Variants in PTK2 observed in about 807,000 individuals in gnomAD.
The protein encoded by PTK2 is protein tyrosine kinase 2, also known as focal adhesion kinase 1.
Under a neutral mutation model 150.1 loss-of-function variants are expected in PTK2, and 45 were observed. The observed-to-expected ratio is 0.30, with a 90% CI of 0.24 to 0.38. The LOEUF is 0.38. Among genes scored for constraint, PTK2 ranks in the 10% least tolerant of loss-of-function variants. The pLI is 1.00. For synonymous variants in PTK2, 432 were observed against 449.2 expected, an observed-to-expected ratio of 0.96 and a Z score of 0.48; for missense variants, 919 against 1,307.3, an observed-to-expected ratio of 0.70 and a Z score of 4.58.
intron 2 of PTK2, among the ~76,000 whole-genome samples, chr8:140,896,664 A>G (rs1354498294): frequency 6.6e-6 from 1 of 152,094 alleles, no homozygotes; most frequent in Non-Finnish European, 1.5e-5. Flanking sequence ...TACTAGTGGG[A>G]AAAAAACTTC....
At chr8:140,690,401 A>G (rs1167067348) in intron 26 of PTK2, among the ~76,000 whole-genome samples, 1 of 152,156 alleles carries the variant, frequency 6.6e-6, no homozygotes, top group East Asian at 1.9e-4. Flanking sequence ...AGCTGGGACT[A>G]TACATGCACG....
At chr8:140,725,723 A>T (rs2100045343) in intron 22 of PTK2, among the ~76,000 whole-genome samples, 1 of 152,216 alleles carries the variant, frequency 6.6e-6, no homozygotes, top group African/African-American at 2.4e-5. Flanking sequence ...GACTCCAAGC[A>T]GCCCAGCTAA....
intron 1 of PTK2, among the ~76,000 whole-genome samples, chr8:140,989,255 GC>G (rs1254336310): frequency 7.0e-6 from 1 of 142,600 alleles, no homozygotes; most frequent in Admixed American, 7.2e-5. Flanking sequence ...AAATTAGCCA[GC>G]AGGGTGATAC....
At chr8:140,662,557 G>A (rs1265661403) in intron 31 of PTK2, 2 of 402,066 alleles carry the variant, frequency 5.0e-6, no homozygotes, top group East Asian at 3.5e-5. Context: ...AACCCCATTT[G>A]GTTGGGATGT....
At chr8:140,738,111 C>G (rs1715565732) in intron 21 of PTK2, among the ~76,000 whole-genome samples, 1 of 152,124 alleles carries the variant, frequency 6.6e-6, no homozygotes, top group African/African-American at 2.4e-5. Flanking sequence ...AAAGTAGTTT[C>G]TAATGTAGCA....
intron 2 of PTK2, among the ~76,000 whole-genome samples, chr8:140,896,798 GGGT>G (rs557159099): frequency 0.13 from 13,494 of 101,480 alleles, 1,150 homozygotes; most frequent in Non-Finnish European, 0.21. Context: ...CGGGGGGGGG[GGGT>G]GGGTAAAACA....
At chr8:140,895,711 A>T (rs998837533) in intron 2 of PTK2, among the ~76,000 whole-genome samples, 1 of 152,080 alleles carries the variant, frequency 6.6e-6, no homozygotes. Context: ...AAGAACTAAG[A>T]GTATAATTAG....
chr8:140,681,527 T>C (rs1763900713), intron 27 of PTK2, among the ~76,000 whole-genome samples: 1 of 151,324 alleles, frequency 6.6e-6, no homozygotes, highest in African/African-American at 2.4e-5. Flanking sequence ...ATCCCAGCAC[T>C]TTGGGAGGCG....
At chr8:140,986,990 A>AC (rs1222917916) in intron 1 of PTK2, among the ~76,000 whole-genome samples, 6 of 152,140 alleles carry the variant, frequency 3.9e-5, no homozygotes, top group Non-Finnish European at 8.8e-5. Context: ...CAAAAACACA[A>AC]CCCGTAAAGC....
Position 140,907,565 on chromosome 8 carries a change from A to G in PTK2, c.-32-16796T>C, listed in dbSNP as rs2100161466. Among the ~76,000 whole-genome samples the G allele has an allele frequency of 2.0e-5, 3 of 152,266 alleles. No individual in the cohort carries two copies. In the South Asian group the frequency reaches 6.2e-4, roughly 32 times the overall value. On this transcript the variant is annotated intron_variant, in intron 2 of 31. Coordinates refer to ENST00000522684, the Ensembl canonical transcript of PTK2. ...CCAACTGCCTTTTTTTTAAAACAAAAACAACAACAACAAAAAACAAAGGGT... is the reference window on the plus strand; with the variant it reads ...CCAACTGCCTTTTTTTTAAAACAAAGACAACAACAACAAAAAACAAAGGGT...
At chr8:140,905,992 A>C (rs1163490603) in intron 2 of PTK2, among the ~76,000 whole-genome samples, 1 of 152,136 alleles carries the variant, frequency 6.6e-6, no homozygotes, top group Non-Finnish European at 1.5e-5. Context: ...ACAACATGCC[A>C]GATCCTGTCT....
At chr8:140,773,431 A>G (rs916043733) in intron 14 of PTK2, among the ~76,000 whole-genome samples, 3 of 152,244 alleles carry the variant, frequency 2.0e-5, no homozygotes, top group Non-Finnish European at 4.4e-5. Flanking sequence ...GGGAAAAACC[A>G]GCAGAAGGAA....
chr8:140,731,299 T>C (rs895605270), intron 22 of PTK2, among the ~76,000 whole-genome samples: 1 of 152,258 alleles, frequency 6.6e-6, no homozygotes, highest in Admixed American at 6.5e-5. Flanking sequence ...TGCGCTCTTA[T>C]AACCTGACAG....
chr8:140,895,484 T>G (rs1049893977), intron 2 of PTK2, among the ~76,000 whole-genome samples: 1 of 151,194 alleles, frequency 6.6e-6, no homozygotes, highest in African/African-American at 2.4e-5. Context: ...ACTGCACCAC[T>G]GCACTCCAGC....
At chr8:140,707,136 G>A (rs924899856) in intron 23 of PTK2, among the ~76,000 whole-genome samples, 3 of 152,204 alleles carry the variant, frequency 2.0e-5, no homozygotes, top group African/African-American at 7.2e-5. Flanking sequence ...ATCTAGAATA[G>A]GAAAGATTAA....
chr8:140,918,149 T>C (rs1271248678), intron 2 of PTK2, among the ~76,000 whole-genome samples: 1 of 152,116 alleles, frequency 6.6e-6, no homozygotes, highest in Admixed American at 6.5e-5. Flanking sequence ...GCAGAGATGA[T>C]GGTTCTAGGA....
At chr8:140,902,924 G>GTTTTTTTTTTTT (rs61261890) in intron 2 of PTK2, among the ~76,000 whole-genome samples, 9 of 58,958 alleles carry the variant, frequency 1.5e-4, no homozygotes, top group East Asian at 3.9e-4. Context: ...GATGAGAGTT[G>GTTTTTTTTTTTT]TTTTTTTTTT....
intron 22 of PTK2, among the ~76,000 whole-genome samples, chr8:140,732,955 G>A (rs2100050424): frequency 6.6e-6 from 1 of 152,196 alleles, no homozygotes; most frequent in South Asian, 2.1e-4. Context: ...TGAAAGGGAT[G>A]AGAAGACAAT....
intron 8 of PTK2, among the ~76,000 whole-genome samples, chr8:140,824,735 G>C (rs967238570): frequency 6.6e-6 from 1 of 152,142 alleles, no homozygotes; most frequent in African/African-American, 2.4e-5. Flanking sequence ...AGAATCTCTG[G>C]ATATTAATCA....
Sources: gnomAD v4.1 joint callset for allele counts (sites outside exome capture counted in the v4.1 genomes callset) on GRCh38, gnomAD v4.1.1 for gene constraint, MANE v1.5 for transcripts, NCBI Gene and HGNC (gene_info 2026-07-23, HGNC 2026-07-21) for gene names.